Variants in WWOX observed in about 807,000 individuals in gnomAD.
WWOX encodes the protein WW domain-containing oxidoreductase.
A neutral mutation model predicts 46.2 loss-of-function variants in WWOX; 69 were observed. That is an observed-to-expected ratio of 1.49 (90% CI 1.23 to 1.82). The LOEUF is 1.82. Among genes scored for constraint, WWOX ranks in the 40% most tolerant of loss-of-function variants. WWOX has a pLI of 0.00. For synonymous variants in WWOX, 359 were observed against 202.6 expected (o/e 1.77, Z -6.56); for missense variants, 919 against 542.6 (o/e 1.69, Z -6.89).
intron 8 of WWOX, among the ~76,000 whole-genome samples, chr16:79,117,451 T>C (rs533355651): frequency 2.6e-5 from 4 of 151,976 alleles, no homozygotes; most frequent in African/African-American, 9.7e-5. Flanking sequence ...ACAGGGAGAG[T>C]AGGTTTAGCA....
At chr16:78,533,411 T>A (rs1460284953) in intron 8 of WWOX, among the ~76,000 whole-genome samples, 2 of 147,124 alleles carry the variant, frequency 1.4e-5, no homozygotes, top group African/African-American at 5.0e-5. Flanking sequence ...GTTGATGAGC[T>A]AAAAAAAAAA....
chr16:78,397,496 T>C (rs920779151), intron 6 of WWOX, among the ~76,000 whole-genome samples: 9 of 152,228 alleles, frequency 5.9e-5, no homozygotes, highest in Non-Finnish European at 1.2e-4. Flanking sequence ...AAGTTCATGC[T>C]AGCTGGTACG....
chr16:78,301,792 G>A (rs1366160817), intron 5 of WWOX, among the ~76,000 whole-genome samples: 5 of 152,036 alleles, frequency 3.3e-5, no homozygotes, highest in South Asian at 2.1e-4. Flanking sequence ...CAGACACACC[G>A]CCAGGCCTCA....
chr16:78,863,852 A>C (rs2043945856), intron 8 of WWOX, among the ~76,000 whole-genome samples: 1 of 152,178 alleles, frequency 6.6e-6, no homozygotes, highest in South Asian at 2.1e-4. Flanking sequence ...GCTATTGTAC[A>C]ATATATGGTC....
At chr16:78,999,236 C>A (rs1225145601) in intron 8 of WWOX, among the ~76,000 whole-genome samples, 1 of 151,500 alleles carries the variant, frequency 6.6e-6, no homozygotes, top group Non-Finnish European at 1.5e-5. Flanking sequence ...TTTGGGAGGC[C>A]AATGCAGGCG....
intron 8 of WWOX, chr16:78,897,455 G>T (rs967711911): frequency 6.6e-6 from 1 of 151,948 alleles, no homozygotes; most frequent in Non-Finnish European, 1.5e-5. Flanking sequence ...TCTGCTTAAT[G>T]ATTCACATAA....
At chr16:78,701,833 G>A (rs2048224284) in intron 8 of WWOX, among the ~76,000 whole-genome samples, 1 of 151,368 alleles carries the variant, frequency 6.6e-6, no homozygotes, top group Admixed American at 6.6e-5. Context: ...CTCCATGATG[G>A]CGCAGCTCTC....
chr16:78,908,061 A>G (rs575156056), intron 8 of WWOX, among the ~76,000 whole-genome samples: 2 of 152,274 alleles, frequency 1.3e-5, no homozygotes, highest in Admixed American at 1.3e-4. Flanking sequence ...ATGAAAGTTT[A>G]TAGTTCCCAA....
In WWOX at chr16:78,549,269, C is replaced by T. The variant is rs1039785570; in HGVS notation, c.1056+116517C>T. 3.3e-5 allele frequency among the ~76,000 whole-genome samples: 5 copies of T among 152,296 alleles called. No homozygotes were observed. The South Asian group carries it at 8.3e-4, about 25-fold the overall frequency. ...CAGCCACGAATAGATTCATTCTTCACGTCTCAGATATATAAAGCTTATTTC... is the reference window on the plus strand; with the variant it reads ...CAGCCACGAATAGATTCATTCTTCATGTCTCAGATATATAAAGCTTATTTC... On this transcript the variant is annotated intron_variant, in intron 8 of 8. Coordinates refer to ENST00000566780, the MANE Select transcript of WWOX (RefSeq NM_016373.4).
At chr16:79,084,146 G>T (rs2048812446) in intron 8 of WWOX, among the ~76,000 whole-genome samples, 2 of 152,142 alleles carry the variant, frequency 1.3e-5, no homozygotes, top group Admixed American at 1.3e-4. Context: ...CCAAAGGAGG[G>T]TGGGGCCGCA....
rs72799916 is a variant in WWOX, at chr16:78,447,579, T to G, written c.1056+14827T>G. Among the ~76,000 whole-genome samples, 314 of 152,290 alleles carry G rather than the reference T, an allele frequency of 2.1e-3. 1 individual carries two copies. The highest frequency in any genetic ancestry group is 3.6e-3 in the Non-Finnish European group (245 of 68,028). ...TATCCGCATACATGCATGCCTCCCC[T>G]TAGACTCCATTGTTCCAAAAGGTAA... On this transcript the variant is annotated intron_variant, in intron 8 of 8. Coordinates refer to ENST00000566780, the MANE Select transcript of WWOX (RefSeq NM_016373.4).
intron 8 of WWOX, among the ~76,000 whole-genome samples, chr16:79,134,091 G>T (rs1030956496): frequency 5.4e-4 from 81 of 151,096 alleles, no homozygotes; most frequent in African/African-American, 1.7e-3. Flanking sequence ...ATGGGCCTGT[G>T]TTTTTTTTTA....
chr16:78,753,641 C>G (rs1208455216), intron 8 of WWOX, among the ~76,000 whole-genome samples: 2 of 150,894 alleles, frequency 1.3e-5, no homozygotes, highest in African/African-American at 4.9e-5. Context: ...CTCTACAAAA[C>G]ATAAACAGAA....
chr16:78,291,976 A>T (rs79140926), intron 5 of WWOX, among the ~76,000 whole-genome samples: 5 of 152,168 alleles, frequency 3.3e-5, no homozygotes, highest in African/African-American at 1.2e-4. Flanking sequence ...GGTCAACCAT[A>T]AGATGGTACC....
chr16:78,643,997 C>T (rs1032395359), intron 8 of WWOX, among the ~76,000 whole-genome samples: 2 of 152,114 alleles, frequency 1.3e-5, no homozygotes, highest in Non-Finnish European at 2.9e-5. Flanking sequence ...CCAAGATGGG[C>T]AGATCACGTG....
chr16:78,278,449 A>G (rs1296627421), intron 5 of WWOX, among the ~76,000 whole-genome samples: 1 of 152,232 alleles, frequency 6.6e-6, no homozygotes, highest in African/African-American at 2.4e-5. Context: ...CCAAACTGCA[A>G]TTAAATAGGA....
At chr16:78,389,795 G>C (rs1220479308) in intron 6 of WWOX, among the ~76,000 whole-genome samples, 1 of 152,258 alleles carries the variant, frequency 6.6e-6, no homozygotes, top group African/African-American at 2.4e-5. Context: ...GTGTTGCCCA[G>C]GCTGAAGTGC....
chr16:78,273,159 G>A (rs930917243), intron 5 of WWOX, among the ~76,000 whole-genome samples: 3 of 151,990 alleles, frequency 2.0e-5, no homozygotes, highest in East Asian at 1.9e-4. Flanking sequence ...TCTGTTCTCC[G>A]CCTGCTGTGC....
chr16:78,524,865 C>CTTTTTTTT (rs370620034), intron 8 of WWOX, among the ~76,000 whole-genome samples: 1 of 48,536 alleles, frequency 2.1e-5, no homozygotes, highest in African/African-American at 7.0e-5. Context: ...GTTTTTCTTT[C>CTTTTTTTT]TTTTTTTTTT....
Sources: gnomAD v4.1 joint callset for allele counts (sites outside exome capture counted in the v4.1 genomes callset) on GRCh38, gnomAD v4.1.1 for gene constraint, MANE v1.5 for transcripts, NCBI Gene and HGNC (gene_info 2026-07-23, HGNC 2026-07-21) for gene names.